Variants in CPS1 observed in about 807,000 individuals in gnomAD.
CPS1 encodes carbamoyl-phosphate synthase 1.
In CPS1, 109 loss-of-function variants were observed where a neutral mutation model predicts 174.6. That is an observed-to-expected ratio of 0.62 (90% CI 0.53 to 0.73). The LOEUF (loss-of-function observed/expected upper bound fraction) is 0.73, where lower values mean the gene tolerates loss of function less well. Ranked by LOEUF, CPS1 falls within the 30% of genes least tolerant of loss-of-function variation. CPS1 has a pLI of 0.00. For missense variants in CPS1, 1,689 were observed against 1,821.9 expected (o/e 0.93, Z 1.33); for synonymous variants, 637 against 632.0 (o/e 1.01, Z -0.12).
intron 1 of CPS1, among the ~76,000 whole-genome samples, chr2:210,568,594 G>A (rs931800282): frequency 2.0e-5 from 3 of 151,964 alleles, no homozygotes; most frequent in Non-Finnish European, 4.4e-5. Context: ...ATGTGATGAG[G>A]TAGAACTATT....
At chr2:210,603,663 A>T (rs2105845104) in intron 16 of CPS1, among the ~76,000 whole-genome samples, 1 of 152,004 alleles carries the variant, frequency 6.6e-6, no homozygotes. Flanking sequence ...CTTTTCATGT[A>T]AGAAAGTTTA....
chr2:210,595,957 A>C (rs532245115), intron 13 of CPS1, among the ~76,000 whole-genome samples: 1 of 152,024 alleles, frequency 6.6e-6, no homozygotes, highest in East Asian at 2.0e-4. Flanking sequence ...AAAGTATTTC[A>C]AGTGCTCTAC....
rs751970736 is a variant in CPS1 at position 210,639,146 on chromosome 2, A to G, written c.2830-4A>G. ...TTGTTTATTTTATTTGTTTTCTCTT[A>G]CAGATTGATACACTGGCTGCAGAAT... On this transcript the variant is annotated splice_polypyrimidine_tract_variant and splice_region_variant and intron_variant, in intron 22 of 37. Coordinates refer to ENST00000233072, the MANE Select transcript of CPS1 (RefSeq NM_001875.5). 2 of 1,608,386 alleles carry G rather than the reference A, an allele frequency of 1.2e-6. No individual in the cohort carries two copies. Among genetic ancestry groups the G allele is most frequent in the Non-Finnish European group, 1.7e-6 (2 of 1,175,198 alleles).
chr2:210,485,394 A>T (rs995272437), intron 1 of CPS1, among the ~76,000 whole-genome samples: 7 of 152,098 alleles, frequency 4.6e-5, no homozygotes, highest in African/African-American at 1.4e-4. Flanking sequence ...TCACCCCCAG[A>T]TTCCCTCATA....
intron 1 of CPS1, among the ~76,000 whole-genome samples, chr2:210,497,141 A>G (rs2105957943): frequency 6.6e-6 from 1 of 152,182 alleles, no homozygotes; most frequent in Non-Finnish European, 1.5e-5. Context: ...TTTGGTCATC[A>G]TTACATTTGA....
At chr2:210,534,237 G>T (rs536580315) in intron 1 of CPS1, among the ~76,000 whole-genome samples, 3 of 152,184 alleles carry the variant, frequency 2.0e-5, no homozygotes, top group Non-Finnish European at 4.4e-5. Context: ...TTGCTTAGGC[G>T]TCCAGCCAGC....
chr2:210,552,345 A>T (rs1696753768), upstream of CPS1, among the ~76,000 whole-genome samples: 1 of 151,828 alleles, frequency 6.6e-6, no homozygotes, highest in East Asian at 1.9e-4. Flanking sequence ...AACTGATGTA[A>T]TTTTATTTGT....
At chr2:210,513,503 G>T (rs914312329) in intron 1 of CPS1, among the ~76,000 whole-genome samples, 3 of 151,790 alleles carry the variant, frequency 2.0e-5, no homozygotes, top group Admixed American at 2.0e-4. Context: ...AGAAATGTCT[G>T]TCCATGTCTG....
intron 22 of CPS1, 54 bp from the exon 23 acceptor site, chr2:210,639,096 G>T (rs1700127278): frequency 6.8e-7 from 1 of 1,478,850 alleles, no homozygotes; most frequent in African/African-American, 1.4e-5. Context: ...ATTTAGTCTT[G>T]AAAAAATTAT....
At chr2:210,568,848 T>C (rs2106063406) in intron 1 of CPS1, among the ~76,000 whole-genome samples, 1 of 152,202 alleles carries the variant, frequency 6.6e-6, no homozygotes, top group Non-Finnish European at 1.5e-5. Context: ...ATTTGAAACA[T>C]GGTTAAAATA....
chr2:210,597,968 AAAAT>A (rs1323269626), intron 13 of CPS1, among the ~76,000 whole-genome samples: 2 of 151,940 alleles, frequency 1.3e-5, no homozygotes, highest in Non-Finnish European at 2.9e-5. Context: ...ATGAATCTAG[AAAAT>A]AAATAGAAAC....
intron 1 of CPS1, among the ~76,000 whole-genome samples, chr2:210,540,725 G>A (rs1487198903): frequency 1.3e-5 from 2 of 152,114 alleles, no homozygotes; most frequent in East Asian, 3.9e-4. Flanking sequence ...TGGTAAGTGG[G>A]TAATTTCGGA....
chr2:210,660,675 A>G lies in CPS1; in HGVS notation c.3927+20A>G, dbSNP rs748344105. ...ATTAAGGTAACATTTTCAAAAATTT[A>G]TTAGTCATTTTATGAGTTCTAGTGA... On this transcript the variant is annotated intron_variant, in intron 32 of 37. Coordinates refer to ENST00000233072, the MANE Select transcript of CPS1 (RefSeq NM_001875.5). 3.1e-6 allele frequency: 5 copies of G among 1,607,964 alleles called. No individual in the cohort carries two copies. The Admixed American group carries it at 8.3e-5, about 27-fold the overall frequency.
chr2:210,597,271 T>C (rs990403134), intron 13 of CPS1, among the ~76,000 whole-genome samples: 4 of 151,906 alleles, frequency 2.6e-5, no homozygotes, highest in Non-Finnish European at 5.9e-5. Flanking sequence ...CCTGACATTT[T>C]GTTAATAATA....
At chr2:210,503,978 G>T (rs1695213777) in intron 1 of CPS1, among the ~76,000 whole-genome samples, 1 of 152,098 alleles carries the variant, frequency 6.6e-6, no homozygotes, top group Admixed American at 6.5e-5. Flanking sequence ...ATTCCATAAA[G>T]CTGCCTCTTT....
intron 1 of CPS1, among the ~76,000 whole-genome samples, chr2:210,525,979 A>G (rs922036700): frequency 6.6e-6 from 1 of 151,904 alleles, no homozygotes; most frequent in Non-Finnish European, 1.5e-5. Flanking sequence ...TATGACTGCA[A>G]TGAAGAGTCC....
At chr2:210,592,350 C>T (rs1209656876) in intron 10 of CPS1, among the ~76,000 whole-genome samples, 1 of 151,926 alleles carries the variant, frequency 6.6e-6, no homozygotes, top group African/African-American at 2.4e-5. Context: ...AACGTCATTT[C>T]TCTCTCTTAT....
chr2:210,666,578 T>C (rs1348594392), intron 33 of CPS1, among the ~76,000 whole-genome samples: 2 of 152,240 alleles, frequency 1.3e-5, no homozygotes, highest in African/African-American at 2.4e-5. Flanking sequence ...ATTTATTAAA[T>C]AGGGAATCCT....
Position 210,654,194 on chromosome 2 carries a change from T to C in CPS1, c.3558+92T>C, listed in dbSNP as rs551551365. On this transcript the variant is annotated intron_variant, in intron 29 of 37. Coordinates refer to ENST00000233072, the MANE Select transcript of CPS1 (RefSeq NM_001875.5). ...AATATTGACAGGTTAGAATTCATAA[T>C]ATCTATAAAACAGGTCTCCAGTAAT... The C allele has an allele frequency of 7.4e-5, 88 of 1,182,414 alleles. No individual in the cohort carries two copies. The African/African-American group carries it at 1.1e-3, about 15-fold the overall frequency. 73.2% of individuals were successfully genotyped at this position (1,182,414 alleles called of 1,614,324 possible). A position where few individuals can be genotyped will look rare whatever the true frequency, so the allele number is the denominator to read the frequency against.
Sources: gnomAD v4.1 joint callset for allele counts (sites outside exome capture counted in the v4.1 genomes callset) on GRCh38, gnomAD v4.1.1 for gene constraint, MANE v1.5 for transcripts, NCBI Gene and HGNC (gene_info 2026-07-23, HGNC 2026-07-21) for gene names.